PKN2: variants seen among roughly 807,000 people sequenced by gnomAD.
PKN2 encodes serine/threonine-protein kinase N2.
PKN2 carries 38 observed loss-of-function variants against 119.1 expected under a neutral mutation model. The observed-to-expected ratio is 0.32, with a 90% CI of 0.25 to 0.42. PKN2 has a LOEUF of 0.42. PKN2 is among the 10% of genes least tolerant of loss of function. The probability of loss-of-function intolerance (pLI) is 1.00; values close to 1 mark genes in which losing one functional copy is unlikely to be tolerated. For synonymous variants in PKN2, 390 were observed against 384.9 expected, an observed-to-expected ratio of 1.01 and a Z score of -0.15; for missense variants, 850 against 1,165.1, an observed-to-expected ratio of 0.73 and a Z score of 3.94.
At chr1:88,773,633 T>C (rs1332713895) in intron 6 of PKN2, among the ~76,000 whole-genome samples, 2 of 152,072 alleles carry the variant, frequency 1.3e-5, no homozygotes, top group African/African-American at 4.8e-5. Context: ...AAGACAGTTA[T>C]CCAGATGAGG....
intron 1 of PKN2, among the ~76,000 whole-genome samples, chr1:88,734,625 A>T (rs1668267961): frequency 2.6e-5 from 4 of 152,136 alleles, no homozygotes; most frequent in Admixed American, 2.6e-4. Context: ...GTCAAGTAGT[A>T]TGATGCCTCC....
At chr1:88,719,719 T>G (rs1016501087) in intron 1 of PKN2, among the ~76,000 whole-genome samples, 7 of 152,204 alleles carry the variant, frequency 4.6e-5, no homozygotes, top group Non-Finnish European at 8.8e-5. Flanking sequence ...ATTAATCGTA[T>G]ACATAAAACA....
intron 16 of PKN2, chr1:88,816,722 G>T (rs1320920698): frequency 6.6e-6 from 1 of 151,914 alleles, no homozygotes; most frequent in Non-Finnish European, 1.5e-5. Flanking sequence ...AAACTGCCTG[G>T]TGGACCCTGA....
chr1:88,830,030 T>C (rs1261399182), intron 19 of PKN2, among the ~76,000 whole-genome samples: 1 of 152,168 alleles, frequency 6.6e-6, no homozygotes, highest in Non-Finnish European at 1.5e-5. Context: ...ATGCCTTAAA[T>C]ATTAGTTCAT....
chr1:88,812,948 A>T (rs925301718), intron 15 of PKN2, among the ~76,000 whole-genome samples: 2 of 152,226 alleles, frequency 1.3e-5, no homozygotes, highest in African/African-American at 4.8e-5. Context: ...AATTTAAATG[A>T]TGACAAAAAT....
At chr1:88,743,227 A>G (rs1668643772) in intron 2 of PKN2, among the ~76,000 whole-genome samples, 2 of 152,210 alleles carry the variant, frequency 1.3e-5, no homozygotes, top group African/African-American at 4.8e-5. Flanking sequence ...ATTACGTATG[A>G]CAAAATGCAC....
chr1:88,704,778 CA>C (rs35670791), intron 1 of PKN2, among the ~76,000 whole-genome samples: 2,864 of 75,882 alleles, frequency 0.038, 52 homozygotes, highest in East Asian at 0.15. Context: ...GACCCTGTCT[CA>C]AAAAAAAAAA....
Position 88,824,339 on chromosome 1 carries a change from A to G in PKN2, c.2372A>G (p.Asp791Gly). The G allele has an allele frequency of 1.3e-6, 2 of 1,598,608 alleles. No homozygotes were observed. The highest frequency in any genetic ancestry group is 1.1e-5 in the South Asian group (1 of 90,522). Residue 791 changes from aspartate to glycine, a missense_variant, in exon 18 of 22, where the codon GAT (aspartate) becomes GGT (glycine). Coordinates refer to ENST00000370521, the MANE Select transcript of PKN2 (RefSeq NM_006256.4). ...RDLKLDNLLLDTEGFVKIADF... is the reference protein window; with the variant it reads ...RDLKLDNLLLGTEGFVKIADF... ...TTGAAATTGGATAACTTATTGCTAG[A>G]TACAGAGGGCTTTGTGAAAATTGCT...
intron 6 of PKN2, among the ~76,000 whole-genome samples, chr1:88,778,033 A>G (rs554926794): frequency 6.0e-4 from 91 of 152,256 alleles, no homozygotes; most frequent in African/African-American, 2.1e-3. Context: ...CCAGTTGCCA[A>G]TCAGAAGATC....
intron 1 of PKN2, chr1:88,684,858 G>T: frequency 2.1e-6 from 1 of 477,554 alleles, no homozygotes; most frequent in Non-Finnish European, 3.7e-6. Context: ...GTTTGATTCT[G>T]CCTACCAGAG....
intron 6 of PKN2, among the ~76,000 whole-genome samples, chr1:88,775,707 C>G (rs1670067028): frequency 6.6e-6 from 1 of 152,124 alleles, no homozygotes; most frequent in South Asian, 2.1e-4. Flanking sequence ...CACAAACTCT[C>G]TTTATGCACC....
At chr1:88,797,622 CAG>C (rs566506089) in intron 8 of PKN2, among the ~76,000 whole-genome samples, 121 of 143,588 alleles carry the variant, frequency 8.4e-4, no homozygotes, top group African/African-American at 3.0e-3. Context: ...AGCCTGGCGA[CAG>C]AGACTCCGTC....
intron 1 of PKN2, among the ~76,000 whole-genome samples, chr1:88,728,016 C>CT (rs34460979): frequency 0.51 from 66,543 of 130,648 alleles, 16,859 homozygotes; most frequent in Middle Eastern, 0.68. Context: ...TTTCTTGGGG[C>CT]TTTTTTTTTT....
At chr1:88,702,685 C>G (rs2100667664) in intron 1 of PKN2, among the ~76,000 whole-genome samples, 1 of 152,168 alleles carries the variant, frequency 6.6e-6, no homozygotes, top group Admixed American at 6.5e-5. Context: ...TGTTTTCTTT[C>G]TAGTATGATG....
At chr1:88,806,713 AT>A (rs1486568303) in intron 12 of PKN2, among the ~76,000 whole-genome samples, 4 of 151,616 alleles carry the variant, frequency 2.6e-5, no homozygotes, top group Non-Finnish European at 4.4e-5. Flanking sequence ...TTAGTTTTTC[AT>A]TGTTTTGGTT....
At chr1:88,693,552 A>G (rs1284654258) in intron 1 of PKN2, among the ~76,000 whole-genome samples, 2 of 152,212 alleles carry the variant, frequency 1.3e-5, no homozygotes, top group Non-Finnish European at 2.9e-5. Flanking sequence ...GATATTATAA[A>G]CAATGAAACA....
intron 1 of PKN2, among the ~76,000 whole-genome samples, chr1:88,731,472 G>C (rs1668140625): frequency 6.6e-6 from 1 of 152,172 alleles, no homozygotes; most frequent in Non-Finnish European, 1.5e-5. Context: ...AGATGGTATG[G>C]AGTAAATAAA....
intron 16 of PKN2, among the ~76,000 whole-genome samples, chr1:88,817,986 C>T (rs139504926): frequency 0.019 from 2,949 of 152,208 alleles, 101 homozygotes; most frequent in African/African-American, 0.065. Context: ...ATCATCTCAG[C>T]GCAAAATCTC....
Position 88,741,171 on chromosome 1 carries a change from A to T in PKN2, c.232A>T (p.Ser78Cys). 1 of 1,611,664 alleles carries T rather than the reference A, an allele frequency of 6.2e-7. No homozygotes were observed. The highest frequency in any genetic ancestry group is 8.5e-7 in the Non-Finnish European group (1 of 1,179,132). ...GAGGAAAGTCACAACAGATAAAAAA[A>T]GTTTGGCTTATGTAGACAACATTTT... ...NLRKVTTDKKSLAYVDNILKK... is the reference protein window; with the variant it reads ...NLRKVTTDKKCLAYVDNILKK... Residue 78 changes from serine (S) to cysteine (C), a missense_variant, in exon 2 of 22, where the codon AGT becomes TGT. Coordinates refer to ENST00000370521, the MANE Select transcript of PKN2 (RefSeq NM_006256.4).
Sources: allele counts gnomAD v4.1 joint callset (sites outside exome capture counted in the v4.1 genomes callset), GRCh38; gene constraint gnomAD v4.1.1; transcripts MANE v1.5; gene names NCBI Gene and HGNC (gene_info 2026-07-23, HGNC 2026-07-21).